FLT3: variants seen among roughly 807,000 people sequenced by gnomAD.
FLT3 encodes the protein receptor-type tyrosine-protein kinase FLT3.
In FLT3, 46 loss-of-function variants were observed where a neutral mutation model predicts 126.6. The ratio of observed to expected loss-of-function variants is 0.36; its 90% CI spans 0.29 to 0.46. FLT3 has a LOEUF of 0.46. FLT3 is among the 20% of genes least tolerant of loss of function. The probability of loss-of-function intolerance (pLI) is 1.00; values close to 1 mark genes in which losing one functional copy is unlikely to be tolerated. For missense variants in FLT3, 1,069 were observed against 1,190.3 expected, an observed-to-expected ratio of 0.90 and a Z score of 1.50; for synonymous variants, 404 against 434.4, an observed-to-expected ratio of 0.93 and a Z score of 0.87.
intron 4 of FLT3, among the ~76,000 whole-genome samples, chr13:28,054,369 C>T (rs746655733): frequency 6.6e-6 from 1 of 151,444 alleles, no homozygotes; most frequent in Non-Finnish European, 1.5e-5. Flanking sequence ...GCTGAGACAA[C>T]TCTAACAGCT....
chr13:28,024,009 C>A (rs1372258281), intron 18 of FLT3, among the ~76,000 whole-genome samples: 1 of 152,158 alleles, frequency 6.6e-6, no homozygotes, highest in Non-Finnish European at 1.5e-5. Context: ...GATCCACCCA[C>A]CTGAGCCTCC....
chr13:28,090,399 T>C (rs1295476982), intron 1 of FLT3, among the ~76,000 whole-genome samples: 3 of 152,204 alleles, frequency 2.0e-5, no homozygotes. Context: ...GTTCCATGAC[T>C]GTATTTGTTT....
chr13:28,060,466 TAAA>T (rs10629301), intron 3 of FLT3, among the ~76,000 whole-genome samples: 1 of 135,354 alleles, frequency 7.4e-6, no homozygotes, highest in Non-Finnish European at 1.5e-5. Context: ...TAAAAATATT[TAAA>T]AAAAAAAAAA....
intron 12 of FLT3, 82 bp downstream of exon 12, chr13:28,035,413 C>A: frequency 7.5e-7 from 1 of 1,329,460 alleles, no homozygotes; most frequent in South Asian, 1.4e-5. Context: ...CTGTAAAATT[C>A]CCCAAGTAAA....
chr13:28,047,868 A>T (rs1050685226), intron 9 of FLT3, among the ~76,000 whole-genome samples: 1 of 152,204 alleles, frequency 6.6e-6, no homozygotes, highest in African/African-American at 2.4e-5. Flanking sequence ...TTGAAAATTT[A>T]AATCAATACA....
chr13:28,042,145 G>A (rs1392253492), intron 9 of FLT3, among the ~76,000 whole-genome samples: 2 of 67,370 alleles, frequency 3.0e-5, no homozygotes, highest in Admixed American at 1.7e-4. Context: ...GCCTCCATCC[G>A]AAATAATAAT....
At chr13:28,055,894 T>G (rs1213678930) in intron 4 of FLT3, among the ~76,000 whole-genome samples, 1 of 152,086 alleles carries the variant, frequency 6.6e-6, no homozygotes, top group Non-Finnish European at 1.5e-5. Context: ...GGTGAGGGAC[T>G]AGAAAGGGGG....
At chr13:28,045,730 A>G (rs916309392) in intron 9 of FLT3, among the ~76,000 whole-genome samples, 1 of 151,926 alleles carries the variant, frequency 6.6e-6, no homozygotes, top group Admixed American at 6.6e-5. Flanking sequence ...GCATGGTGGC[A>G]TGCACCTATA....
rs191225250 is a variant in FLT3, at chr13:28,049,783, T to C, written c.743-9A>G. On this transcript the variant is annotated splice_polypyrimidine_tract_variant and intron_variant, in intron 6 of 23. Transcript: ENST00000241453. ...AGGAGTTTGATTTAGATCTAGGAGA[T>C]GAAAACATCCCAAGTGAGAAAAAAA... 4,253 of 1,608,530 alleles carry C rather than the reference T, an allele frequency of 2.6e-3. 11 individuals are homozygous for C. Among genetic ancestry groups the C allele is most frequent in the Non-Finnish European group, 3.1e-3 (3,654 of 1,177,972 alleles).
chr13:28,077,962 C>T (rs1878071106), intron 1 of FLT3, among the ~76,000 whole-genome samples: 2 of 152,214 alleles, frequency 1.3e-5, no homozygotes, highest in Admixed American at 1.3e-4. Context: ...TCTTTTGACT[C>T]CAGGTCTCAC....
At chr13:28,078,605 G>T (rs1160486509) in intron 1 of FLT3, among the ~76,000 whole-genome samples, 1 of 152,162 alleles carries the variant, frequency 6.6e-6, no homozygotes, top group African/African-American at 2.4e-5. Context: ...CTCCAACATG[G>T]CCTGGAGACA....
intron 3 of FLT3, among the ~76,000 whole-genome samples, chr13:28,061,013 T>C (rs970956556): frequency 6.6e-6 from 1 of 152,154 alleles, no homozygotes; most frequent in Non-Finnish European, 1.5e-5. Context: ...ATTATTAACA[T>C]CTTGTATAGG....
At chr13:28,051,711 A>AT (rs1477718089) in intron 5 of FLT3, among the ~76,000 whole-genome samples, 4 of 150,730 alleles carry the variant, frequency 2.7e-5, no homozygotes, top group South Asian at 2.1e-4. Context: ...CGCCCGGCTA[A>AT]TTTTTTTTGT....
intron 1 of FLT3, among the ~76,000 whole-genome samples, chr13:28,092,307 G>A (rs1420181360): frequency 6.6e-6 from 1 of 151,812 alleles, no homozygotes; most frequent in Admixed American, 6.6e-5. Flanking sequence ...AAACCCAGAA[G>A]CCATTTTTGA....
At chr13:28,053,093 A>G (rs1357976141) in intron 4 of FLT3, among the ~76,000 whole-genome samples, 1 of 152,162 alleles carries the variant, frequency 6.6e-6, no homozygotes, top group Non-Finnish European at 1.5e-5. Flanking sequence ...AGATTTAGAA[A>G]GACAGAAGAA....
At chr13:28,084,355 T>C (rs1265391630) in intron 1 of FLT3, among the ~76,000 whole-genome samples, 2 of 152,054 alleles carry the variant, frequency 1.3e-5, no homozygotes, top group East Asian at 3.9e-4. Flanking sequence ...CCTGCAGTTA[T>C]TAATTTTGTT....
intron 22 of FLT3, 135 bp from the exon 23 acceptor site, chr13:28,014,692 T>C (rs1354673239): frequency 1.3e-5 from 8 of 620,266 alleles, no homozygotes; most frequent in Non-Finnish European, 2.2e-5. Context: ...TGGCAAGTCC[T>C]CTACCAGATT....
At chr13:28,036,885 A>G (rs1262116299) in intron 10 of FLT3, among the ~76,000 whole-genome samples, 1 of 152,176 alleles carries the variant, frequency 6.6e-6, no homozygotes, top group Non-Finnish European at 1.5e-5. Context: ...GAGGCTTAGG[A>G]GGATCACTTG....
intron 1 of FLT3, among the ~76,000 whole-genome samples, chr13:28,086,951 G>A (rs1431824331): frequency 6.6e-6 from 1 of 152,000 alleles, no homozygotes; most frequent in African/African-American, 2.4e-5. Context: ...CCACCTGTCT[G>A]AAGAACTTTC....
Sources: allele counts gnomAD v4.1 joint callset (sites outside exome capture counted in the v4.1 genomes callset), GRCh38; gene constraint gnomAD v4.1.1; transcripts MANE v1.5; gene names NCBI Gene and HGNC (gene_info 2026-07-23, HGNC 2026-07-21).